Variants in PLCZ1 observed in about 807,000 individuals in gnomAD.
The protein encoded by PLCZ1 is phospholipase C zeta 1.
A neutral mutation model predicts 76.8 loss-of-function variants in PLCZ1; 64 were observed. The observed-to-expected ratio is 0.83, with a 90% CI of 0.68 to 1.03. PLCZ1 has a LOEUF of 1.03. Ranked by LOEUF, PLCZ1 falls within the 50% of genes least tolerant of loss-of-function variation. The pLI is 0.00. For synonymous variants in PLCZ1, 248 were observed against 230.8 expected, an observed-to-expected ratio of 1.07 and a Z score of -0.68; for missense variants, 751 against 713.7, an observed-to-expected ratio of 1.05 and a Z score of -0.60.
chr12:18,655,824 G>GA, the PLCZ1 span, among the ~76,000 whole-genome samples: 120,130 of 151,760 alleles, frequency 0.79, 47,609 homozygotes, highest in Admixed American at 0.82. Context: ...TAGTACTCCT[G>GA]AAACTGTCAA....
chr12:18,659,128 G>T, the PLCZ1 span, among the ~76,000 whole-genome samples: 2 of 152,060 alleles, frequency 1.3e-5, no homozygotes, highest in African/African-American at 4.8e-5. Context: ...AAGATAGGAG[G>T]AAGGTAAAAA....
intron 11 of PLCZ1, among the ~76,000 whole-genome samples, chr12:18,695,765 A>G (rs1254182585): frequency 1.3e-5 from 2 of 152,140 alleles, no homozygotes; most frequent in East Asian, 3.9e-4. Flanking sequence ...TTTCAAAACT[A>G]TGAATGTAGA....
Position 18,724,042 on chromosome 12 carries a change from T to C in PLCZ1, c.136-500A>G, listed in dbSNP as rs139321644. Among the ~76,000 whole-genome samples the C allele has an allele frequency of 4.0e-3, 601 of 152,116 alleles. 11 individuals are homozygous for C. In the East Asian group the frequency reaches 0.055, roughly 14 times the overall value. ...CAGGTACAAACAAGATGAGTTCCAA[T>C]AAGAAAGAGTGGATTCGAAAGGTCA... is the stretch of plus-strand genomic sequence containing the variant. On this transcript the variant is annotated intron_variant, in intron 3 of 14. Coordinates refer to ENST00000266505, the MANE Select transcript of PLCZ1 (RefSeq NM_033123.4).
intron 6 of PLCZ1, among the ~76,000 whole-genome samples, chr12:18,712,346 C>T (rs1032391676): frequency 1.3e-5 from 2 of 152,074 alleles, no homozygotes; most frequent in South Asian, 2.1e-4. Context: ...ATAACTATAT[C>T]GTTGAATCTG....
At chr12:18,693,762 T>G in intron 12 of PLCZ1, 1 of 1,518,170 alleles carries the variant, frequency 6.6e-7, no homozygotes, top group Non-Finnish European at 9.1e-7. Flanking sequence ...AAAGCTATCA[T>G]GGCCACAAAC....
At chr12:18,650,321 C>A in the PLCZ1 span, among the ~76,000 whole-genome samples, 950 of 87,428 alleles carry the variant, frequency 0.011, 8 homozygotes, top group Non-Finnish European at 0.013. Context: ...CTCTCTCTCT[C>A]TCTCTCTCTC....
chr12:18,649,200 G>C, the PLCZ1 span, among the ~76,000 whole-genome samples: 6 of 152,136 alleles, frequency 3.9e-5, no homozygotes, highest in East Asian at 9.7e-4. Context: ...CTTGGCTGAT[G>C]GCATTGTTTC....
At chr12:18,653,859 G>A in the PLCZ1 span, among the ~76,000 whole-genome samples, 53 of 152,204 alleles carry the variant, frequency 3.5e-4, no homozygotes, top group Middle Eastern at 3.4e-3. Flanking sequence ...TTCCTAGGCT[G>A]AGGTTCAGAA....
chr12:18,712,878 T>G lies in PLCZ1; in HGVS notation c.678A>C (p.Lys226Asn). The G allele has an allele frequency of 6.2e-7, 1 of 1,613,938 alleles. No homozygotes were observed. The highest frequency in any genetic ancestry group is 2.2e-5 in the East Asian group (1 of 44,856). Reference sequence around the variant, plus strand: ...ACTTGTGTATAGCTTGGATAACAGTTTTAAACAGAAGTTTGCTTGTGAGTG... The same window carrying G: ...ACTTGTGTATAGCTTGGATAACAGTGTTAAACAGAAGTTTGCTTGTGAGTG... The part of the protein sequence containing the change: ...GYTLTSKLLF[K>N]TVIQAIHKYA... Residue 226 changes from lysine to asparagine, a missense_variant, in exon 6 of 15, where the codon AAA becomes AAC. Lys to Asn is a moderately conservative substitution (Grantham distance 94). Coordinates refer to ENST00000266505, the MANE Select transcript of PLCZ1 (RefSeq NM_033123.4).
intron 10 of PLCZ1, among the ~76,000 whole-genome samples, chr12:18,699,059 G>A (rs927953693): frequency 1.3e-5 from 2 of 152,108 alleles, no homozygotes; most frequent in Non-Finnish European, 2.9e-5. Context: ...CTCAGGCCCC[G>A]TTTTACCTTG....
intron 4 of PLCZ1, among the ~76,000 whole-genome samples, chr12:18,720,765 C>T (rs1320863950): frequency 6.6e-6 from 1 of 151,888 alleles, no homozygotes; most frequent in Non-Finnish European, 1.5e-5. Flanking sequence ...CAGTGATGTA[C>T]AAGAATGCTC....
In PLCZ1 at chr12:18,701,720, G is replaced by A. The variant is rs79991602; in HGVS notation, c.921C>T (p.Thr307=). 8 of 1,610,524 alleles carry A rather than the reference G, an allele frequency of 5.0e-6. No homozygotes were observed. In the African/African-American group the frequency reaches 9.4e-5, roughly 19 times the overall value. ...KNKKIGTLKE[T]HERKGSDKRG... ...GCTTATCAGAACCTTTTCTTTCATG[G>A]GTTTCCTTTAAGGTTCCTATTTTCT... is the stretch of plus-strand genomic sequence containing the variant. Residue 307 remains threonine, a synonymous_variant, in exon 8 of 15, where the codon ACC becomes ACT. Transcript: ENST00000266505.
the PLCZ1 span, among the ~76,000 whole-genome samples, chr12:18,668,366 C>T: frequency 0.012 from 1,797 of 152,204 alleles, 27 homozygotes; most frequent in African/African-American, 0.041. Context: ...TTACTAATTC[C>T]CTTTTGAGGT....
the PLCZ1 span, among the ~76,000 whole-genome samples, chr12:18,673,014 A>G: frequency 2.0e-5 from 3 of 152,204 alleles, no homozygotes; most frequent in Admixed American, 2.0e-4. Flanking sequence ...AAAAGATGGC[A>G]TACATTAAAA....
intron 12 of PLCZ1, among the ~76,000 whole-genome samples, chr12:18,689,495 G>A (rs1052687360): frequency 8.5e-5 from 13 of 152,064 alleles, no homozygotes; most frequent in African/African-American, 3.1e-4. Context: ...TTTTATGTGT[G>A]GCCCAAGATA....
downstream of PLCZ1, among the ~76,000 whole-genome samples, chr12:18,681,192 C>T (rs1952376509): frequency 6.6e-6 from 1 of 151,798 alleles, no homozygotes; most frequent in South Asian, 2.1e-4. Context: ...ACACTAAAGT[C>T]TGGCTGATAG....
the PLCZ1 span, among the ~76,000 whole-genome samples, chr12:18,662,146 G>A: frequency 2.0e-5 from 3 of 152,018 alleles, no homozygotes. Flanking sequence ...TGCAAGGAGG[G>A]TGAAGATTGA....
chr12:18,677,329 A>G, the PLCZ1 span, among the ~76,000 whole-genome samples: 3 of 152,144 alleles, frequency 2.0e-5, no homozygotes, highest in Admixed American at 6.6e-5. Flanking sequence ...ACATAGGCTG[A>G]ATCAGCACCG....
rs1465354172 is a variant in PLCZ1, at chr12:18,683,317, A to G, written c.1749T>C (p.Arg583=). The change falls in exon 15 of 15, where the codon CGT becomes CGC. Residue 583 remains arginine, a synonymous_variant. Coordinates refer to ENST00000266505, the MANE Select transcript of PLCZ1 (RefSeq NM_033123.4). ...LPLLCMNKGY[R]RIPLFSRMGE... ...CCATTCTGGAAAACAGAGGAATACG[A>G]CGATAACCTGCAAAAGGAATTATAT... The G allele has an allele frequency of 1.1e-5, 17 of 1,612,314 alleles. No individual in the cohort carries two copies. In the East Asian group the frequency reaches 3.6e-4, roughly 34 times the overall value.
Sources: allele counts gnomAD v4.1 joint callset (sites outside exome capture counted in the v4.1 genomes callset), GRCh38; gene constraint gnomAD v4.1.1; transcripts MANE v1.5; gene names NCBI Gene and HGNC (gene_info 2026-07-23, HGNC 2026-07-21).